CTTN: variants seen among roughly 807,000 people sequenced by gnomAD.
CTTN encodes the protein src substrate cortactin.
In CTTN, 28 loss-of-function variants were observed where a neutral mutation model predicts 84.0. The ratio of observed to expected loss-of-function variants is 0.33; its 90% CI spans 0.25 to 0.46. The LOEUF (loss-of-function observed/expected upper bound fraction) is 0.46. CTTN is among the 20% of genes least tolerant of loss of function. The pLI is 1.00. For synonymous variants in CTTN, 301 were observed against 288.8 expected (o/e 1.04, Z -0.43); for missense variants, 641 against 723.8 (o/e 0.89, Z 1.31).
rs558666242 is a variant in CTTN at position 70,412,675 on chromosome 11, G to A, written c.292-1867G>A. ...GAGCACACTGCACCTTTCCCTTGCG[G>A]CCAGCGGTGGCTGCATCCATCACGC... On this transcript the variant is annotated intron_variant, in intron 5 of 17. Coordinates refer to ENST00000301843, the MANE Select transcript of CTTN (RefSeq NM_005231.4). Among the ~76,000 whole-genome samples, 4 of 152,282 alleles carry A rather than the reference G, an allele frequency of 2.6e-5. No homozygotes were observed. The East Asian group carries it at 7.7e-4, about 29-fold the overall frequency.
At position 70,427,342 on chromosome 11, in the gene CTTN, T is replaced by G. The variant is rs148550458; in HGVS notation, c.1028-1709T>G. On this transcript the variant is annotated intron_variant, in intron 13 of 17. Coordinates refer to ENST00000301843, the MANE Select transcript of CTTN (RefSeq NM_005231.4). Reference sequence around the variant, plus strand: ...CCAGCCTGGGCGACAACAGCTAAACTCCATCTCAAAAAATAAAAATAATAA... The same window carrying G: ...CCAGCCTGGGCGACAACAGCTAAACGCCATCTCAAAAAATAAAAATAATAA... Among the ~76,000 whole-genome samples the G allele has an allele frequency of 5.8e-3, 879 of 152,140 alleles. 3 individuals are homozygous for G. Among genetic ancestry groups the G allele is most frequent in the Admixed American group, 0.011 (165 of 15,278 alleles).
chr11:70,435,289 A>AGGGGAATATAC lies in CTTN; in HGVS notation c.*128_*138dup, dbSNP rs2058405037. ...TTTTTTTTTTTTTTTGAAGGTGGGG[A>AGGGGAATATAC]GGGGAATATACACATTGCTTTTATA... On this transcript the variant is annotated 3_prime_UTR_variant, in exon 18 of 18. Transcript: ENST00000301843. 9 of 469,268 alleles carry AGGGGAATATAC rather than the reference A, an allele frequency of 1.9e-5. No homozygotes were observed. The Admixed American group carries it at 7.5e-4, about 39-fold the overall frequency. 29.1% of individuals were successfully genotyped at this position (469,268 alleles called of 1,614,324 possible).
Position 70,433,182 on chromosome 11 carries a change from G to A in CTTN, c.1348G>A (p.Ala450Thr). The A allele has an allele frequency of 6.2e-7, 1 of 1,613,676 alleles. No individual in the cohort carries two copies. The highest frequency in any genetic ancestry group is 8.5e-7 in the Non-Finnish European group (1 of 1,180,008). ...TEPEPVYSMEAADYREASSQQ... is the reference protein window; with the variant it reads ...TEPEPVYSMETADYREASSQQ... Reference sequence around the variant, plus strand: ...GCCGGAGCCCGTGTACAGCATGGAGGCCGCTGACTACCGAGAGGCCAGCAG... The same window carrying A: ...GCCGGAGCCCGTGTACAGCATGGAGACCGCTGACTACCGAGAGGCCAGCAG... Residue 450 changes from alanine (A) to threonine (T), a missense_variant, in exon 16 of 18, where the codon GCC becomes ACC. Ala to Thr is a moderately conservative substitution (Grantham distance 58). Coordinates refer to ENST00000301843, the MANE Select transcript of CTTN (RefSeq NM_005231.4).
At chr11:70,413,618 C>G (rs1413518195) in intron 5 of CTTN, among the ~76,000 whole-genome samples, 1 of 152,062 alleles carries the variant, frequency 6.6e-6, no homozygotes, top group African/African-American at 2.4e-5. Context: ...TGGGCTTTAC[C>G]TGCTGGCTTT....
At chr11:70,415,595 G>A in intron 6 of CTTN, 68 bp from the exon 7 acceptor site, 1 of 1,335,796 alleles carries the variant, frequency 7.5e-7, no homozygotes, top group Non-Finnish European at 1.1e-6. Context: ...CATGAATTCA[G>A]AGAGATTGTT....
At position 70,421,509 on chromosome 11, in the gene CTTN, C is replaced by A; in HGVS notation, c.830C>A (p.Ser277Ter). ...TTTGGAGGCAAATTCGGTGTTCAGT[C>A]GGAGAGGCAGGACTCCGCTGCTGTG... ...TGFGGKFGVQ[S>*]ERQDSAAVGF... The change falls in exon 11 of 18, where the codon TCG becomes TAG. Residue 277 changes from serine (S) to a stop codon, truncating the protein, a stop_gained. Coordinates refer to ENST00000301843, the MANE Select transcript of CTTN (RefSeq NM_005231.4). LOFTEE classifies it high-confidence loss of function. 6.2e-7 allele frequency: 1 copy of A among 1,614,050 alleles called. No homozygotes were observed. The highest frequency in any genetic ancestry group is 1.1e-5 in the South Asian group (1 of 91,070).
chr11:70,426,500 G>A (rs1302636538), intron 13 of CTTN, among the ~76,000 whole-genome samples: 1 of 151,964 alleles, frequency 6.6e-6, no homozygotes, highest in East Asian at 1.9e-4. Context: ...CAGGACTGCT[G>A]CCTCAGTCTC....
At chr11:70,405,697 G>A (rs1216993822) in intron 2 of CTTN, among the ~76,000 whole-genome samples, 3 of 152,206 alleles carry the variant, frequency 2.0e-5, no homozygotes, top group Non-Finnish European at 4.4e-5. Flanking sequence ...CCGCTCGCTG[G>A]TGAAGCTGTG....
chr11:70,418,384 C>T (rs960376019), intron 8 of CTTN, among the ~76,000 whole-genome samples: 3 of 152,254 alleles, frequency 2.0e-5, no homozygotes, highest in Non-Finnish European at 2.9e-5. Context: ...GCGCATGCTC[C>T]GCGAAGCTGC....
rs1226558475 is a variant in CTTN at position 70,436,491 on chromosome 11, C to CTT, written c.*1330_*1331dup. Reference sequence around the variant, plus strand: ...CAATGAGGTCGGGTTTTATATGCAACTTATTGTATCTGAATTCCTGTAGCA... The same window carrying CTT: ...CAATGAGGTCGGGTTTTATATGCAACTTTTATTGTATCTGAATTCCTGTAGCA... On this transcript the variant is annotated 3_prime_UTR_variant, in exon 18 of 18. Transcript: ENST00000301843. 3.0e-5 allele frequency: 35 copies of CTT among 1,154,844 alleles called. No individual in the cohort carries two copies. The highest frequency in any genetic ancestry group is 4.1e-5 in the Non-Finnish European group (33 of 797,582). 71.5% of individuals were successfully genotyped at this position (1,154,844 alleles called of 1,614,324 possible).
chr11:70,417,530 C>G (rs926448030), intron 8 of CTTN, among the ~76,000 whole-genome samples: 4 of 151,090 alleles, frequency 2.6e-5, no homozygotes, highest in African/African-American at 9.7e-5. Context: ...GAGTCTCGCT[C>G]CGTTGCCCAG....
chr11:70,405,680 G>A (rs1049876799), intron 2 of CTTN, among the ~76,000 whole-genome samples: 1 of 152,156 alleles, frequency 6.6e-6, no homozygotes, highest in African/African-American at 2.4e-5. Context: ...GCTCGCAAGT[G>A]CCCACCCCGC....
intron 14 of CTTN, 114 bp from the exon 15 acceptor site, chr11:70,431,077 A>G (rs1302572508): frequency 2.2e-5 from 24 of 1,099,114 alleles, no homozygotes; most frequent in African/African-American, 3.1e-5. Flanking sequence ...GGTGTTTTCC[A>G]CTCCTTTCCC....
At position 70,421,485 on chromosome 11, in the gene CTTN, T is replaced by C; in HGVS notation, c.806T>C (p.Phe269Ser). The stretch of plus-strand genomic sequence containing the variant: ...GGATTTTCAGATTATAAGACTGGTT[T>C]TGGAGGCAAATTCGGTGTTCAGTCG... ...HESQKDYKTG[F>S]GGKFGVQSER... The change falls in exon 11 of 18, where the codon TTT becomes TCT. Residue 269 changes from phenylalanine (F) to serine (S), a missense_variant. Phe to Ser is a radical substitution (Grantham distance 155). Coordinates refer to ENST00000301843, the MANE Select transcript of CTTN (RefSeq NM_005231.4). 3 of 1,613,516 alleles carry C rather than the reference T, an allele frequency of 1.9e-6. No homozygotes were observed. The highest frequency in any genetic ancestry group is 1.7e-6 in the Non-Finnish European group (2 of 1,179,418).
intron 9 of CTTN, chr11:70,420,195 A>G (rs1591442424): frequency 4.9e-6 from 3 of 607,204 alleles, no homozygotes; most frequent in East Asian, 5.5e-5. Context: ...CTTAGTCACG[A>G]TGCTGAGGTC....
chr11:70,400,233 T>G (rs975638200), intron 1 of CTTN, among the ~76,000 whole-genome samples: 2 of 151,526 alleles, frequency 1.3e-5, no homozygotes, highest in Non-Finnish European at 2.9e-5. Flanking sequence ...CTTTGGGAGG[T>G]CAAGGTGAGA....
At chr11:70,416,033 C>T (rs1193872488) in intron 7 of CTTN, 3 of 334,776 alleles carry the variant, frequency 9.0e-6, no homozygotes, top group Non-Finnish European at 1.7e-5. Flanking sequence ...GGCAGCGCTC[C>T]TCCTGGAAAA....
At chr11:70,401,572 C>T (rs967453010) in intron 1 of CTTN, among the ~76,000 whole-genome samples, 9 of 150,984 alleles carry the variant, frequency 6.0e-5, no homozygotes, top group African/African-American at 1.2e-4. Context: ...CGCTTGAACC[C>T]AGGAGGCAGA....
At chr11:70,433,400 C>A in intron 16 of CTTN, 122 bp downstream of exon 16, 1 of 1,051,074 alleles carries the variant, frequency 9.5e-7, no homozygotes, top group Non-Finnish European at 1.4e-6. Context: ...TGCTTGCTTG[C>A]TATAGGGTCT....
Sources: gnomAD v4.1 joint callset for allele counts (sites outside exome capture counted in the v4.1 genomes callset) on GRCh38, gnomAD v4.1.1 for gene constraint, MANE v1.5 for transcripts, NCBI Gene and HGNC (gene_info 2026-07-23, HGNC 2026-07-21) for gene names.